Variants in KIAA1671 observed in about 807,000 individuals in gnomAD.
KIAA1671 encodes the protein KIAA1671.
In KIAA1671, 52 loss-of-function variants were observed where a neutral mutation model predicts 131.2. That is an observed-to-expected ratio of 0.40 (90% confidence interval 0.32 to 0.50). KIAA1671 has a LOEUF of 0.50. KIAA1671 is among the 20% of genes least tolerant of loss of function. The pLI is 0.73. For missense variants in KIAA1671, 2,360 were observed against 2,364.2 expected (o/e 1.00, Z 0.04); for synonymous variants, 1,003 against 961.6 (o/e 1.04, Z -0.80).
At chr22:25,106,447 G>C (rs1222575122) in intron 6 of KIAA1671, among the ~76,000 whole-genome samples, 1 of 152,202 alleles carries the variant, frequency 6.6e-6, no homozygotes, top group Non-Finnish European at 1.5e-5. Context: ...TAGAAAAGGG[G>C]ATCTTAGTCA....
At chr22:24,985,678 C>A (rs903394401) in intron 1 of KIAA1671, among the ~76,000 whole-genome samples, 1 of 151,358 alleles carries the variant, frequency 6.6e-6, no homozygotes, top group Non-Finnish European at 1.5e-5. Context: ...TTTGTCTCAG[C>A]GCCTTTTGAG....
intron 6 of KIAA1671, chr22:25,058,298 C>T (rs984324572): frequency 6.6e-6 from 1 of 152,250 alleles, no homozygotes; most frequent in Non-Finnish European, 1.5e-5. Flanking sequence ...ACTGTCATCA[C>T]CACCTTGCCT....
At chr22:25,141,244 T>C (rs959918620) in intron 6 of KIAA1671, among the ~76,000 whole-genome samples, 9 of 152,172 alleles carry the variant, frequency 5.9e-5, no homozygotes, top group Non-Finnish European at 1.2e-4. Flanking sequence ...GTTTTTTGTT[T>C]TTTTTTGAGA....
At position 25,196,440 on chromosome 22, in the gene KIAA1671, TTTTTC is replaced by T. The variant is rs201093689; in HGVS notation, c.*4047_*4051del. On this transcript the variant is annotated 3_prime_UTR_variant, in exon 13 of 13. Transcript: ENST00000358431. The stretch of plus-strand genomic sequence containing the variant: ...TTTCTAAAGAATTTGAACTTTTTTT[TTTTTC>T]TTTTCTTGAGACACGGTCTTGCTCT... 2 of 152,216 alleles carry T rather than the reference TTTTTC, an allele frequency of 1.3e-5. No homozygotes were observed. Among genetic ancestry groups the T allele is most frequent in the South Asian group, 4.1e-4 (2 of 4,820 alleles). The allele number at this position is 152,216 out of a possible 1,614,324, so 9.4% of individuals were successfully genotyped here.
chr22:25,115,875 C>G (rs1293228660), intron 6 of KIAA1671, among the ~76,000 whole-genome samples: 2 of 152,146 alleles, frequency 1.3e-5, no homozygotes, highest in East Asian at 3.9e-4. Flanking sequence ...CTCCCAGGTT[C>G]AAGTGATTCT....
Position 25,041,049 on chromosome 22 carries a change from A to G in KIAA1671, c.3919A>G (p.Arg1307Gly). The G allele has an allele frequency of 6.6e-7, 1 of 1,510,240 alleles. No homozygotes were observed. Among genetic ancestry groups the G allele is most frequent in the Non-Finnish European group, 8.9e-7 (1 of 1,128,044 alleles). 93.6% of individuals were successfully genotyped at this position (1,510,240 alleles called of 1,614,324 possible). A position where few individuals can be genotyped will look rare whatever the true frequency, so the allele number is the denominator to read the frequency against. The change falls in exon 5 of 13, where the codon AGG becomes GGG. Residue 1307 changes from arginine (R) to glycine (G), a missense_variant. Physicochemically the swap from Arg to Gly is moderately radical, Grantham distance 125. Coordinates refer to ENST00000358431, the MANE Select transcript of KIAA1671 (RefSeq NM_001145206.2). ...TCTGCCACCCTCGGCTCCTTCTGAA[A>G]GGTATCCAGGGGGCTCTCCTATACC... is the stretch of plus-strand genomic sequence containing the variant. ...WALPPSAPSE[R>G]YPGGSPIPAD...
chr22:25,122,362 C>T (rs1025912134), intron 6 of KIAA1671, among the ~76,000 whole-genome samples: 2 of 152,142 alleles, frequency 1.3e-5, no homozygotes, highest in African/African-American at 4.8e-5. Flanking sequence ...CTGGGAGTTA[C>T]TGTCCCTTTC....
intron 6 of KIAA1671, among the ~76,000 whole-genome samples, chr22:25,106,595 G>A (rs2145905287): frequency 6.6e-6 from 1 of 152,258 alleles, no homozygotes; most frequent in East Asian, 1.9e-4. Flanking sequence ...TAATCATGAT[G>A]CTATACTTAT....
rs1443010289 is a variant in KIAA1671, at chr22:25,028,515, C to T, written c.516C>T (p.Ser172=). The stretch of plus-strand genomic sequence containing the variant: ...CGGAGGAGGCCAAGCTAGGTGTGTC[C>T]GGCTCCCGGCCTGAGGTGGCTGCCA... ...EGAEEAKLGV[S]GSRPEVAAKP... Residue 172 remains serine, a synonymous_variant, in exon 3 of 13, where the codon TCC becomes TCT. Coordinates refer to ENST00000358431, the MANE Select transcript of KIAA1671 (RefSeq NM_001145206.2). 54 of 1,548,816 alleles carry T rather than the reference C, an allele frequency of 3.5e-5. No individual in the cohort carries two copies. The highest frequency in any genetic ancestry group is 4.8e-5 in the South Asian group (4 of 83,674).
intron 6 of KIAA1671, among the ~76,000 whole-genome samples, chr22:25,138,231 G>A (rs1303733652): frequency 3.9e-5 from 6 of 152,192 alleles, no homozygotes; most frequent in South Asian, 4.1e-4. Flanking sequence ...GATGGAATAG[G>A]TTGCCTGTGG....
At chr22:25,079,196 T>C (rs544179877) in intron 6 of KIAA1671, among the ~76,000 whole-genome samples, 1 of 151,964 alleles carries the variant, frequency 6.6e-6, no homozygotes. Context: ...GATACATCAG[T>C]GCACAAGACA....
At chr22:25,133,689 C>G (rs926926888) in intron 6 of KIAA1671, among the ~76,000 whole-genome samples, 1 of 152,086 alleles carries the variant, frequency 6.6e-6, no homozygotes, top group Admixed American at 6.5e-5. Context: ...ACTACAGGCA[C>G]CCACCATGGT....
At chr22:25,115,246 CCAGA>C (rs1347906502) in intron 6 of KIAA1671, among the ~76,000 whole-genome samples, 2 of 152,138 alleles carry the variant, frequency 1.3e-5, no homozygotes, top group African/African-American at 4.8e-5. Context: ...CAGTTAGAGG[CCAGA>C]CAGAAAATTC....
chr22:25,113,021 C>T (rs1931448153), intron 6 of KIAA1671, among the ~76,000 whole-genome samples: 1 of 152,174 alleles, frequency 6.6e-6, no homozygotes, highest in Non-Finnish European at 1.5e-5. Context: ...GCCTTGATTT[C>T]TTACTCAGGC....
chr22:25,148,666 T>C (rs1201751876), intron 6 of KIAA1671, among the ~76,000 whole-genome samples: 9 of 152,318 alleles, frequency 5.9e-5, no homozygotes, highest in African/African-American at 2.2e-4. Flanking sequence ...GACGTCAGCC[T>C]GGGAGCTTCC....
Position 25,063,476 on chromosome 22 carries a change from A to G in KIAA1671, c.4530+14112A>G, listed in dbSNP as rs971877253. Reference sequence around the variant, plus strand: ...ACTCAGGAATGGAAAACCAAATATTATATGTTCTCACTTACAAGTGGGCGC... The same window carrying G: ...ACTCAGGAATGGAAAACCAAATATTGTATGTTCTCACTTACAAGTGGGCGC... On this transcript the variant is annotated intron_variant, in intron 6 of 12. Coordinates refer to ENST00000358431, the MANE Select transcript of KIAA1671 (RefSeq NM_001145206.2). 4 of 152,094 alleles carry G rather than the reference A, an allele frequency of 2.6e-5. No homozygotes were observed. The East Asian group carries it at 7.7e-4, about 29-fold the overall frequency. The allele number at this position is 152,094 out of a possible 1,614,324, so 9.4% of individuals were successfully genotyped here.
intron 6 of KIAA1671, among the ~76,000 whole-genome samples, chr22:25,125,115 C>T (rs910191480): frequency 6.6e-6 from 1 of 152,132 alleles, no homozygotes; most frequent in Admixed American, 6.6e-5. Context: ...CTATAGCAGG[C>T]GCCTCTCCAG....
intron 6 of KIAA1671, among the ~76,000 whole-genome samples, chr22:25,124,191 A>G (rs1188347562): frequency 2.0e-5 from 3 of 152,270 alleles, no homozygotes; most frequent in South Asian, 2.1e-4. Context: ...CTAAGTGCCC[A>G]TTACCCCACT....
intron 6 of KIAA1671, among the ~76,000 whole-genome samples, chr22:25,131,650 T>C (rs1932446999): frequency 6.6e-6 from 1 of 152,232 alleles, no homozygotes; most frequent in Non-Finnish European, 1.5e-5. Context: ...GTTGCATGTG[T>C]CCTGTTTTGT....
Sources: allele counts gnomAD v4.1 joint callset (sites outside exome capture counted in the v4.1 genomes callset), GRCh38; gene constraint gnomAD v4.1.1; transcripts MANE v1.5; gene names NCBI Gene and HGNC (gene_info 2026-07-23, HGNC 2026-07-21).